The following NEGR1 variants were observed in gnomAD, a reference collection of about 807,000 sequenced individuals.
The protein encoded by NEGR1 is neuronal growth regulator 1.
A neutral mutation model predicts 40.9 loss-of-function variants in NEGR1; 10 were observed. The ratio of observed to expected loss-of-function variants is 0.24; its 90% CI spans 0.15 to 0.42. The LOEUF (loss-of-function observed/expected upper bound fraction) is 0.42, where lower values mean the gene tolerates loss of function less well. NEGR1 is among the 10% of genes least tolerant of loss of function. The pLI, the probability that NEGR1 is intolerant of heterozygous loss-of-function variation, is 1.00. For synonymous variants in NEGR1, 185 were observed against 166.8 expected, an observed-to-expected ratio of 1.11 and a Z score of -0.84; for missense variants, 352 against 438.9, an observed-to-expected ratio of 0.80 and a Z score of 1.77.
intron 2 of NEGR1, among the ~76,000 whole-genome samples, chr1:71,907,003 C>A (rs1468036030): frequency 6.6e-6 from 1 of 152,120 alleles, no homozygotes; most frequent in Non-Finnish European, 1.5e-5. Flanking sequence ...CTCCAATTAA[C>A]CCTAGGGAAA....
intron 3 of NEGR1, among the ~76,000 whole-genome samples, chr1:71,760,945 A>G (rs976576668): frequency 3.3e-5 from 5 of 152,192 alleles, no homozygotes; most frequent in African/African-American, 7.2e-5. Flanking sequence ...GTAATGACTT[A>G]AACTATTTTC....
At chr1:71,707,446 T>A (rs1489339568) in intron 3 of NEGR1, among the ~76,000 whole-genome samples, 1 of 152,014 alleles carries the variant, frequency 6.6e-6, no homozygotes, top group Non-Finnish European at 1.5e-5. Context: ...TGGGAAGAAC[T>A]GTGTCTTTCA....
chr1:71,522,470 G>C (rs1369010906), intron 6 of NEGR1, among the ~76,000 whole-genome samples: 1 of 151,790 alleles, frequency 6.6e-6, no homozygotes, highest in African/African-American at 2.4e-5. Context: ...AGGAAGTTTG[G>C]TGGTTTAAGT....
At chr1:71,737,916 C>T (rs577599175) in intron 3 of NEGR1, among the ~76,000 whole-genome samples, 11 of 152,206 alleles carry the variant, frequency 7.2e-5, no homozygotes, top group Non-Finnish European at 1.5e-4. Context: ...GCAGGAATTA[C>T]AGTCGGTTTA....
intron 3 of NEGR1, among the ~76,000 whole-genome samples, chr1:71,701,200 C>A (rs1182257706): frequency 6.6e-6 from 1 of 152,006 alleles, no homozygotes. Flanking sequence ...ATAAAATTAA[C>A]ACAGTGTCTC....
chr1:72,257,804 G>A (rs1655324516), intron 1 of NEGR1, among the ~76,000 whole-genome samples: 1 of 151,918 alleles, frequency 6.6e-6, no homozygotes, highest in South Asian at 2.1e-4. Flanking sequence ...ATCAAACCCT[G>A]TGAAGATCAG....
At chr1:71,943,885 A>G (rs1645994731) in intron 1 of NEGR1, among the ~76,000 whole-genome samples, 1 of 152,208 alleles carries the variant, frequency 6.6e-6, no homozygotes, top group Non-Finnish European at 1.5e-5. Flanking sequence ...CTCTGCTCTA[A>G]GATTACTGAA....
At chr1:72,211,097 C>T (rs1050325329) in intron 1 of NEGR1, among the ~76,000 whole-genome samples, 3 of 151,836 alleles carry the variant, frequency 2.0e-5, no homozygotes, top group Admixed American at 6.6e-5. Flanking sequence ...TCTGAAAAAG[C>T]TATTGACATG....
chr1:71,687,252 C>A (rs1406800322), intron 4 of NEGR1, among the ~76,000 whole-genome samples: 1 of 152,082 alleles, frequency 6.6e-6, no homozygotes, highest in African/African-American at 2.4e-5. Flanking sequence ...TTTAAGTTAT[C>A]GGTAGACTGA....
chr1:72,014,107 CT>C (rs1302867152), intron 1 of NEGR1, among the ~76,000 whole-genome samples: 2 of 149,886 alleles, frequency 1.3e-5, no homozygotes, highest in Non-Finnish European at 3.0e-5. Context: ...AGCTGTTCAA[CT>C]TTTTTTGTAT....
chr1:71,574,153 C>G (rs544631700), intron 6 of NEGR1, among the ~76,000 whole-genome samples: 14 of 152,228 alleles, frequency 9.2e-5, no homozygotes, highest in African/African-American at 2.9e-4. Flanking sequence ...GTTCCCTAAA[C>G]TCAATATTGT....
intron 2 of NEGR1, among the ~76,000 whole-genome samples, chr1:71,803,058 C>T (rs961485671): frequency 1.3e-5 from 2 of 152,018 alleles, no homozygotes; most frequent in South Asian, 4.1e-4. Context: ...AAATTGTGTT[C>T]CCCCAAATTT....
intron 2 of NEGR1, among the ~76,000 whole-genome samples, chr1:71,845,923 C>CTTT (rs368324879): frequency 3.6e-4 from 40 of 110,670 alleles, no homozygotes; most frequent in Middle Eastern, 6.5e-3. Flanking sequence ...CGGCACCTGG[C>CTTT]TTTTTTTTTT....
intron 2 of NEGR1, among the ~76,000 whole-genome samples, chr1:71,933,861 A>C (rs1645878571): frequency 6.6e-6 from 1 of 152,132 alleles, no homozygotes; most frequent in South Asian, 2.1e-4. Flanking sequence ...CACAAAGTTA[A>C]AATATTTACT....
chr1:71,656,557 C>G (rs966869592), intron 4 of NEGR1, among the ~76,000 whole-genome samples: 1 of 152,102 alleles, frequency 6.6e-6, no homozygotes, highest in African/African-American at 2.4e-5. Context: ...GGATTACAGG[C>G]GCCCGCCACC....
At chr1:71,638,180 T>A (rs981310791) in intron 4 of NEGR1, among the ~76,000 whole-genome samples, 3 of 151,978 alleles carry the variant, frequency 2.0e-5, no homozygotes, top group African/African-American at 7.2e-5. Context: ...TTAGAGAAAA[T>A]ATTATTTTCA....
At chr1:71,579,517 T>C (rs921232158) in intron 6 of NEGR1, among the ~76,000 whole-genome samples, 1 of 152,056 alleles carries the variant, frequency 6.6e-6, no homozygotes, top group Non-Finnish European at 1.5e-5. Flanking sequence ...TTTCTTCCTT[T>C]AAATAATTAA....
chr1:71,828,843 A>G (rs1483206492), intron 2 of NEGR1, among the ~76,000 whole-genome samples: 1 of 151,914 alleles, frequency 6.6e-6, no homozygotes, highest in Non-Finnish European at 1.5e-5. Flanking sequence ...GGTTTGGCTT[A>G]TGTTTTCCTC....
chr1:72,028,186 G>A (rs1646828227), intron 1 of NEGR1, among the ~76,000 whole-genome samples: 1 of 152,074 alleles, frequency 6.6e-6, no homozygotes, highest in South Asian at 2.1e-4. Context: ...ATAGTCCTCA[G>A]CCTGTTTCTT....
Sources: gnomAD v4.1 joint callset for allele counts (sites outside exome capture counted in the v4.1 genomes callset) on GRCh38, gnomAD v4.1.1 for gene constraint, MANE v1.5 for transcripts, NCBI Gene and HGNC (gene_info 2026-07-23, HGNC 2026-07-21) for gene names.